Variants in ADGRG2 observed in about 807,000 individuals in gnomAD.
ADGRG2 encodes adhesion G protein-coupled receptor G2.
Under a neutral mutation model 74.1 loss-of-function variants are expected in ADGRG2, and 26 were observed. That is an observed-to-expected ratio of 0.35 (90% CI 0.26 to 0.49). The LOEUF is 0.49. Among genes scored for constraint, ADGRG2 ranks in the 20% least tolerant of loss-of-function variants. The pLI is 0.99. For missense variants in ADGRG2, 619 were observed against 763.1 expected (o/e 0.81, Z 2.22); for synonymous variants, 296 against 295.2 (o/e 1.00, Z -0.03).
At chrX:19,086,574 T>C (rs1481708583) in intron 1 of ADGRG2, among the ~76,000 whole-genome samples, 1 of 111,250 alleles carries the variant, frequency 9.0e-6, no homozygotes, top group Non-Finnish European at 1.9e-5. Flanking sequence ...CTGCTCCAGT[T>C]CAGGGCCGCT....
chrX:19,086,749 C>A (rs982813479), intron 1 of ADGRG2, among the ~76,000 whole-genome samples: 50 of 111,369 alleles, frequency 4.5e-4, no homozygotes, highest in African/African-American at 1.6e-3. Context: ...ACCAAAAAAA[C>A]CAAAACCAAC....
intron 3 of ADGRG2, among the ~76,000 whole-genome samples, chrX:19,057,603 G>A (rs1424366951): frequency 9.0e-6 from 1 of 111,627 alleles, no homozygotes; most frequent in Admixed American, 9.6e-5. Flanking sequence ...TTGGGAGGCC[G>A]AGGCAGGTGC....
At chrX:19,103,150 A>G (rs1213815854) in intron 1 of ADGRG2, among the ~76,000 whole-genome samples, 1 of 111,615 alleles carries the variant, frequency 9.0e-6, no homozygotes, top group Non-Finnish European at 1.9e-5. Context: ...TAAAGAGGCC[A>G]GCCAAAATGC....
Position 19,107,642 on chromosome X carries a change from T to G in ADGRG2, c.-47+14800A>C, listed in dbSNP as rs5955699. ...TTCCAGGAGTTTTGTTTTTTGTTTTTTTTTTTTTTTTCATTTCAAAAGAAA... is the reference window on the plus strand; with the variant it reads ...TTCCAGGAGTTTTGTTTTTTGTTTTGTTTTTTTTTTTCATTTCAAAAGAAA... On this transcript the variant is annotated intron_variant, in intron 1 of 28. Coordinates refer to ENST00000379869, the MANE Select transcript of ADGRG2 (RefSeq NM_001079858.3). Among the ~76,000 whole-genome samples the G allele has an allele frequency of 7.1e-3, 554 of 78,339 alleles. 6 individuals are homozygous for G. The highest frequency in any genetic ancestry group is 0.062 in the African/African-American group (509 of 8,234). 68.0% of individuals were successfully genotyped at this position (78,339 alleles called of 115,157 possible). A position where few individuals can be genotyped will look rare whatever the true frequency, so the allele number is the denominator to read the frequency against.
chrX:19,121,038 G>C (rs749809615), intron 1 of ADGRG2, among the ~76,000 whole-genome samples: 5 of 111,632 alleles, frequency 4.5e-5, no homozygotes, highest in Non-Finnish European at 9.4e-5. Flanking sequence ...CCCTTGTCCA[G>C]ATCTAAGAGA....
chrX:19,015,890 C>A (rs747631032), intron 15 of ADGRG2, among the ~76,000 whole-genome samples: 1 of 112,349 alleles, frequency 8.9e-6, no homozygotes, highest in Non-Finnish European at 1.9e-5. Context: ...ATTAAATTTT[C>A]TTCAGCTTAT....
chrX:19,080,190 G>A (rs2061823332), intron 2 of ADGRG2, among the ~76,000 whole-genome samples: 1 of 109,775 alleles, frequency 9.1e-6, no homozygotes, highest in African/African-American at 3.3e-5. Flanking sequence ...GATTCTAGAC[G>A]TGAGCCACCG....
intron 2 of ADGRG2, among the ~76,000 whole-genome samples, chrX:19,072,969 T>C (rs746857368): frequency 8.9e-6 from 1 of 112,001 alleles, no homozygotes; most frequent in Admixed American, 9.5e-5. Flanking sequence ...AACATTGATA[T>C]AGTTTGGATA....
intron 2 of ADGRG2, among the ~76,000 whole-genome samples, chrX:19,080,600 A>G (rs1275983839): frequency 1.8e-5 from 2 of 111,891 alleles, no homozygotes; most frequent in East Asian, 2.8e-4. Context: ...TAATGTAATG[A>G]AAGTCTTAGT....
chrX:19,064,569 C>G (rs1321726855), intron 3 of ADGRG2, among the ~76,000 whole-genome samples: 1 of 112,367 alleles, frequency 8.9e-6, no homozygotes, highest in Admixed American at 9.4e-5. Flanking sequence ...CAGTCCAAAG[C>G]TATTGGAGGA....
chrX:19,099,010 C>T (rs1470488815), intron 1 of ADGRG2, among the ~76,000 whole-genome samples: 2 of 111,608 alleles, frequency 1.8e-5, no homozygotes, highest in African/African-American at 3.3e-5. Flanking sequence ...CATGGTGAAA[C>T]CCCATCTCTA....
intron 1 of ADGRG2, among the ~76,000 whole-genome samples, chrX:19,106,753 T>C (rs2062302736): frequency 9.1e-6 from 1 of 110,054 alleles, no homozygotes; most frequent in Non-Finnish European, 1.9e-5. Flanking sequence ...ACCCCGTCTC[T>C]ACTAAAAATA....
rs189867721 is a variant in ADGRG2 at position 19,074,207 on chromosome X, T to C, written c.-1-5372A>G. 2.7e-3 allele frequency among the ~76,000 whole-genome samples: 303 copies of C among 111,518 alleles called. 3 individuals carry two copies. The highest frequency in any genetic ancestry group is 0.024 in the Admixed American group (248 of 10,528). The stretch of plus-strand genomic sequence containing the variant: ...TTGGGCTGAAGACAATTAAAAATCA[T>C]GAATAAAATGCTAAAAGCATTTTCT... On this transcript the variant is annotated intron_variant, in intron 2 of 28. Coordinates refer to ENST00000379869, the MANE Select transcript of ADGRG2 (RefSeq NM_001079858.3).
At chrX:19,016,381 C>G (rs1027530997) in intron 15 of ADGRG2, among the ~76,000 whole-genome samples, 1 of 110,868 alleles carries the variant, frequency 9.0e-6, no homozygotes, top group African/African-American at 3.3e-5. Context: ...GGGTGGGCAT[C>G]TAATTCTAGC....
At chrX:19,088,042 G>A (rs1477804495) in intron 1 of ADGRG2, among the ~76,000 whole-genome samples, 1 of 111,125 alleles carries the variant, frequency 9.0e-6, no homozygotes, top group Non-Finnish European at 1.9e-5. Flanking sequence ...CAGTCCCAGT[G>A]GTCTGGGTGA....
chrX:19,107,191 A>G (rs7056103), intron 1 of ADGRG2, among the ~76,000 whole-genome samples: 5,032 of 112,073 alleles, frequency 0.045, 257 homozygotes, highest in African/African-American at 0.15. Context: ...ATCTCTGGCC[A>G]GTCCCAAACC....
intron 1 of ADGRG2, among the ~76,000 whole-genome samples, chrX:19,103,342 G>A (rs766582265): frequency 8.9e-6 from 1 of 111,932 alleles, no homozygotes; most frequent in African/African-American, 3.2e-5. Flanking sequence ...TCTCAGTTCC[G>A]GGAATTCCCT....
intron 1 of ADGRG2, among the ~76,000 whole-genome samples, chrX:19,103,460 G>A (rs907298845): frequency 1.8e-5 from 2 of 111,586 alleles, no homozygotes; most frequent in South Asian, 3.8e-4. Flanking sequence ...CTCTGCCTAC[G>A]GAGCAAACAT....
intron 8 of ADGRG2, chrX:19,031,434 CTAA>C (rs1225446698): frequency 2.3e-5 from 3 of 127,708 alleles, no homozygotes; most frequent in African/African-American, 9.5e-5. Context: ...TATGAACACT[CTAA>C]TGTTAATCCT....
Sources: gnomAD v4.1 joint callset for allele counts (sites outside exome capture counted in the v4.1 genomes callset) on GRCh38, gnomAD v4.1.1 for gene constraint, MANE v1.5 for transcripts, NCBI Gene and HGNC (gene_info 2026-07-23, HGNC 2026-07-21) for gene names.